The following PRRC2C variants were observed in gnomAD, a reference collection of about 807,000 sequenced individuals.
PRRC2C encodes the protein protein PRRC2C.
Under a neutral mutation model 317.2 loss-of-function variants are expected in PRRC2C, and 72 were observed. The ratio of observed to expected loss-of-function variants is 0.23; its 90% CI spans 0.19 to 0.28. The LOEUF (loss-of-function observed/expected upper bound fraction) is 0.28. Ranked by LOEUF, PRRC2C falls within the 10% of genes least tolerant of loss-of-function variation. The pLI is 1.00. For synonymous variants in PRRC2C, 1,296 were observed against 1,205.9 expected, an observed-to-expected ratio of 1.07 and a Z score of -1.55; for missense variants, 3,074 against 3,459.7, an observed-to-expected ratio of 0.89 and a Z score of 2.80.
chr1:171,582,883 C>A (rs1404813219), intron 28 of PRRC2C, among the ~76,000 whole-genome samples: 1 of 150,378 alleles, frequency 6.6e-6, no homozygotes, highest in African/African-American at 2.4e-5. Flanking sequence ...AATTTTTCTT[C>A]AATAATAAAT....
chr1:171,568,180 A>C, intron 22 of PRRC2C, 67 bp from the exon 23 acceptor site: 1 of 1,493,526 alleles, frequency 6.7e-7, no homozygotes, highest in Non-Finnish European at 9.0e-7. Context: ...GAGACTCAAA[A>C]AAAAGAGGAA....
chr1:171,547,377 A>T (rs1003169987), intron 17 of PRRC2C, among the ~76,000 whole-genome samples: 1 of 152,182 alleles, frequency 6.6e-6, no homozygotes, highest in African/African-American at 2.4e-5. Flanking sequence ...AAATAATAAG[A>T]TAGGCTTTAC....
chr1:171,547,644 TTG>T (rs760952186), intron 17 of PRRC2C, among the ~76,000 whole-genome samples: 1 of 133,394 alleles, frequency 7.5e-6, no homozygotes, highest in Non-Finnish European at 1.6e-5. Context: ...TTTTTTTTTT[TTG>T]TTTTTTTTTT....
chr1:171,489,681 A>G (rs894130061), intron 1 of PRRC2C, among the ~76,000 whole-genome samples: 2 of 152,246 alleles, frequency 1.3e-5, no homozygotes, highest in African/African-American at 4.8e-5. Context: ...CAGAAAGCCT[A>G]AAAGGAAGAG....
intron 1 of PRRC2C, among the ~76,000 whole-genome samples, chr1:171,493,740 A>G (rs1387083363): frequency 6.6e-6 from 1 of 152,120 alleles, no homozygotes; most frequent in African/African-American, 2.4e-5. Context: ...GAATTGCTTG[A>G]GCCTGGGAGG....
At chr1:171,588,950 C>G (rs2102894072) in intron 33 of PRRC2C, among the ~76,000 whole-genome samples, 1 of 152,308 alleles carries the variant, frequency 6.6e-6, no homozygotes, top group Non-Finnish European at 1.5e-5. Context: ...TATAAAAGGA[C>G]TAAGAACTCT....
At chr1:171,530,243 CTTTTTTTTTTTTT>C (rs778215422) in intron 11 of PRRC2C, among the ~76,000 whole-genome samples, 1 of 63,286 alleles carries the variant, frequency 1.6e-5, no homozygotes, top group Non-Finnish European at 2.9e-5. Context: ...TGTAGCTGGG[CTTTTTTTTTTTTT>C]TTTTTTTTTT....
chr1:171,586,610 C>T (rs1650077027), intron 30 of PRRC2C, among the ~76,000 whole-genome samples: 1 of 128,438 alleles, frequency 7.8e-6, no homozygotes, highest in Non-Finnish European at 1.7e-5. Context: ...GAGACAGAGT[C>T]TCGCTCTGTC....
chr1:171,529,192 G>C (rs866526445), intron 11 of PRRC2C, among the ~76,000 whole-genome samples: 1 of 152,050 alleles, frequency 6.6e-6, no homozygotes, highest in Admixed American at 6.5e-5. Context: ...TCGAGTGTTG[G>C]AGCACTCAGC....
chr1:171,523,217 T>C lies in PRRC2C; in HGVS notation c.834-4T>C. 1 of 1,605,628 alleles carries C rather than the reference T, an allele frequency of 6.2e-7. No homozygotes were observed. Among genetic ancestry groups the C allele is most frequent in the Non-Finnish European group, 8.5e-7 (1 of 1,176,994 alleles). On this transcript the variant is annotated splice_polypyrimidine_tract_variant and splice_region_variant and intron_variant, in intron 7 of 34. Transcript: ENST00000647382. Reference sequence around the variant, plus strand: ...TATCTTTTCCATGACCTGCCTTTCATTAGAGGCCTTCGAGGAAGAGGCCCA... The same window carrying C: ...TATCTTTTCCATGACCTGCCTTTCACTAGAGGCCTTCGAGGAAGAGGCCCA...
Position 171,579,945 on chromosome 1 carries a change from T to A in PRRC2C, c.7390T>A (p.Ser2464Thr), listed in dbSNP as rs773386168. ...AVSQAQELFS[S>T]SLQPYRSQPA... ...TTCCCAGGCTCAGGAATTGTTCAGC[T>A]CCTCACTTCAACCATATAGGTAAAT... The change falls in exon 28 of 35, where the codon TCC becomes ACC. Residue 2464 changes from serine to threonine, a missense_variant. This residue lies in a region of PRRC2C where 490 missense variants were observed against 663.1 expected (regional missense o/e 0.74). Transcript: ENST00000647382. 4.5e-6 allele frequency: 7 copies of A among 1,568,004 alleles called. No individual in the cohort carries two copies. In the South Asian group the frequency reaches 8.5e-5, roughly 19 times the overall value.
intron 15 of PRRC2C, among the ~76,000 whole-genome samples, chr1:171,539,096 G>A (rs964534306): frequency 5.3e-5 from 8 of 151,982 alleles, no homozygotes; most frequent in Admixed American, 2.6e-4. Flanking sequence ...CCGCCTCCCG[G>A]GTTCAAGCGA....
chr1:171,527,421 C>T lies in PRRC2C; in HGVS notation c.1201-370C>T, dbSNP rs533475304. Among the ~76,000 whole-genome samples the T allele has an allele frequency of 3.5e-4, 53 of 152,152 alleles. 1 individual carries two copies. The South Asian group carries it at 0.011, about 32-fold the overall frequency. On this transcript the variant is annotated intron_variant, in intron 10 of 34. Transcript: ENST00000647382. ...GTGCTGGGATTACACGTGTGAATCA[C>T]CGCACCCAGCAGATATATTTTTTCT...
At chr1:171,581,155 A>G (rs1263144123) in intron 28 of PRRC2C, among the ~76,000 whole-genome samples, 1 of 152,154 alleles carries the variant, frequency 6.6e-6, no homozygotes, top group African/African-American at 2.4e-5. Flanking sequence ...TTTTACTCTC[A>G]TTTAATTTCG....
At chr1:171,567,898 G>C (rs991511371) in intron 22 of PRRC2C, among the ~76,000 whole-genome samples, 8 of 152,142 alleles carry the variant, frequency 5.3e-5, no homozygotes, top group Non-Finnish European at 1.0e-4. Context: ...TAGAAAGTGA[G>C]CAATTTGGCC....
At chr1:171,531,569 C>G (rs1274699500) in intron 11 of PRRC2C, among the ~76,000 whole-genome samples, 2 of 152,228 alleles carry the variant, frequency 1.3e-5, no homozygotes, top group East Asian at 3.9e-4. Flanking sequence ...CTTAAGATTT[C>G]TTCACCCTAG....
chr1:171,587,392 C>G (rs1256966444), intron 31 of PRRC2C, among the ~76,000 whole-genome samples, 171 bp downstream of exon 31: 1 of 152,078 alleles, frequency 6.6e-6, no homozygotes, highest in Non-Finnish European at 1.5e-5. Flanking sequence ...GTGTTTGGCC[C>G]CATCTAGTTT....
intron 10 of PRRC2C, among the ~76,000 whole-genome samples, chr1:171,526,254 T>TA (rs1203651003): frequency 6.6e-6 from 1 of 152,234 alleles, no homozygotes; most frequent in African/African-American, 2.4e-5. Flanking sequence ...GAATTGAGCT[T>TA]ACATAAATAA....
At chr1:171,521,907 GTTAC>G (rs1018210144) in intron 6 of PRRC2C, among the ~76,000 whole-genome samples, 2 of 152,078 alleles carry the variant, frequency 1.3e-5, no homozygotes, top group South Asian at 2.1e-4. Context: ...CTTGTTGATA[GTTAC>G]TTTAATGTAA....
Sources: allele counts gnomAD v4.1 joint callset (sites outside exome capture counted in the v4.1 genomes callset), GRCh38; gene constraint gnomAD v4.1.1; regional missense constraint gnomAD v4.1.1; transcripts MANE v1.5; gene names NCBI Gene and HGNC (gene_info 2026-07-23, HGNC 2026-07-21).